The following ABHD2 variants were observed in gnomAD, a reference collection of about 807,000 sequenced individuals.
The protein encoded by ABHD2 is monoacylglycerol lipase ABHD2.
ABHD2 carries 20 observed loss-of-function variants against 48.1 expected under a neutral mutation model. The observed-to-expected ratio is 0.42, with a 90% CI of 0.29 to 0.60. ABHD2 has a LOEUF of 0.60. Among genes scored for constraint, ABHD2 ranks in the 20% least tolerant of loss-of-function variants. The probability of loss-of-function intolerance (pLI) is 0.24; values close to 1 mark genes in which losing one functional copy is unlikely to be tolerated. For synonymous variants in ABHD2, 209 were observed against 214.2 expected, an observed-to-expected ratio of 0.98 and a Z score of 0.21; for missense variants, 405 against 550.9, an observed-to-expected ratio of 0.74 and a Z score of 2.65.
the ABHD2 span, among the ~76,000 whole-genome samples, chr15:89,081,166 ATTTTTT>A: frequency 8.7e-6 from 1 of 115,302 alleles, no homozygotes; most frequent in Middle Eastern, 3.9e-3. Context: ...TGCCCAGCTA[ATTTTTT>A]TTTTTTTTTT....
At chr15:89,059,171 C>T in the ABHD2 span, among the ~76,000 whole-genome samples, 1 of 152,286 alleles carries the variant, frequency 6.6e-6, no homozygotes, top group South Asian at 2.1e-4. Context: ...TTGGGGCTCT[C>T]TTCTCTGCTG....
At chr15:89,045,821 A>T in the ABHD2 span, among the ~76,000 whole-genome samples, 11 of 152,224 alleles carry the variant, frequency 7.2e-5, no homozygotes, top group African/African-American at 2.7e-4. Context: ...TTTTCTAGAT[A>T]TACAATCATG....
rs908270301 is a variant in ABHD2 at position 89,196,718 on chromosome 15, A to G, written c.*1295A>G. 1 of 152,326 alleles carries G rather than the reference A, an allele frequency of 6.6e-6. No homozygotes were observed. Among genetic ancestry groups the G allele is most frequent in the Non-Finnish European group, 1.5e-5 (1 of 68,028 alleles). 9.4% of individuals were successfully genotyped at this position (152,326 alleles called of 1,614,324 possible). ...AAAAGTTGGATCTGAGTTTGGAGAAAGATATTTCCAACCTAAGTGGGTATT... is the reference window on the plus strand; with the variant it reads ...AAAAGTTGGATCTGAGTTTGGAGAAGGATATTTCCAACCTAAGTGGGTATT... On this transcript the variant is annotated 3_prime_UTR_variant, in exon 11 of 11. Transcript: ENST00000352732.
rs2050595427 is a variant in ABHD2, at chr15:89,151,774, C to T, written c.292C>T (p.Arg98Trp). 4 of 1,614,082 alleles carry T rather than the reference C, an allele frequency of 2.5e-6. No homozygotes were observed. Among genetic ancestry groups the T allele is most frequent in the African/African-American group, 1.3e-5 (1 of 74,934 alleles). The change falls in exon 4 of 11, where the codon CGG (arginine) becomes TGG (tryptophan). Residue 98 changes from arginine to tryptophan, a missense_variant. Coordinates refer to ENST00000352732, the MANE Select transcript of ABHD2 (RefSeq NM_152924.5). The surrounding 1 kb of genome is among the most constrained non-coding windows in gnomAD (Gnocchi z 4.7). The stretch of plus-strand genomic sequence containing the variant: ...GAGGTCGCCACATCCTTATGGGCAC[C>T]GGAAGTTCATCACTATGTCTGATGG... ...RVRSPHPYGH[R>W]KFITMSDGAT... is the part of the protein sequence containing the mutation.
At chr15:89,049,297 TCAGA>T in the ABHD2 span, among the ~76,000 whole-genome samples, 1 of 152,224 alleles carries the variant, frequency 6.6e-6, no homozygotes, top group Non-Finnish European at 1.5e-5. Flanking sequence ...TTCAAAGCTG[TCAGA>T]CAGGGACATT....
At chr15:89,048,908 A>ATTCTCCGTTCAGC in the ABHD2 span, among the ~76,000 whole-genome samples, 1 of 122,354 alleles carries the variant, frequency 8.2e-6, no homozygotes, top group South Asian at 2.3e-4. Flanking sequence ...CGTCAAAGTC[A>ATTCTCCGTTCAGC]TTTGTTCCGT....
At chr15:89,147,552 A>C (rs2050515028) in intron 3 of ABHD2, among the ~76,000 whole-genome samples, 1 of 150,792 alleles carries the variant, frequency 6.6e-6, no homozygotes, top group Non-Finnish European at 1.5e-5. Flanking sequence ...ACGGGGTTTC[A>C]CCGTGTTAGC....
upstream of ABHD2, among the ~76,000 whole-genome samples, chr15:89,083,268 G>C (rs376857152): frequency 7.9e-5 from 12 of 152,306 alleles, no homozygotes; most frequent in East Asian, 1.9e-3. The surrounding 1 kb of genome is among the most constrained non-coding windows in gnomAD (Gnocchi z 5.1). Context: ...ATGTAGGAAA[G>C]GGTGTATGAT....
At chr15:89,134,074 G>A (rs1453770151) in intron 3 of ABHD2, among the ~76,000 whole-genome samples, 2 of 151,992 alleles carry the variant, frequency 1.3e-5, no homozygotes, top group South Asian at 4.1e-4. Flanking sequence ...TCCTGACCTC[G>A]TGATCCTCCC....
rs1253709109 is a variant in ABHD2, at chr15:89,097,942, T to C, written c.-107+9379T>C. 6.6e-6 allele frequency among the ~76,000 whole-genome samples: 1 copy of C among 152,158 alleles called. No individual in the cohort carries two copies. The highest frequency in any genetic ancestry group is 2.4e-5 in the African/African-American group (1 of 41,448). Reference sequence around the variant, plus strand: ...GTCTCACTCTGTCACGCAGGCTGGATTGCAGTGGCAGGATCTGGGCTCACT... The same window carrying C: ...GTCTCACTCTGTCACGCAGGCTGGACTGCAGTGGCAGGATCTGGGCTCACT... On this transcript the variant is annotated intron_variant, in intron 1 of 10. Coordinates refer to ENST00000352732, the MANE Select transcript of ABHD2 (RefSeq NM_152924.5). The surrounding 1 kb of genome is among the most constrained non-coding windows in gnomAD (Gnocchi z 4.2).
chr15:89,123,989 G>A (rs1347343362), intron 3 of ABHD2, among the ~76,000 whole-genome samples: 1 of 152,144 alleles, frequency 6.6e-6, no homozygotes, highest in Non-Finnish European at 1.5e-5. Context: ...TATTGCTGTT[G>A]TACATACTTC....
At chr15:89,122,806 A>G (rs1216494035) in intron 3 of ABHD2, among the ~76,000 whole-genome samples, 1 of 152,214 alleles carries the variant, frequency 6.6e-6, no homozygotes, top group Non-Finnish European at 1.5e-5. Flanking sequence ...TTCACTCGTT[A>G]GCAAGCTTGC....
At chr15:89,045,508 A>C in the ABHD2 span, among the ~76,000 whole-genome samples, 1 of 152,058 alleles carries the variant, frequency 6.6e-6, no homozygotes, top group Non-Finnish European at 1.5e-5. Context: ...CCATTTTCAC[A>C]ATATTGATTC....
the ABHD2 span, among the ~76,000 whole-genome samples, chr15:89,051,627 T>G: frequency 6.6e-6 from 1 of 151,998 alleles, no homozygotes; most frequent in East Asian, 1.9e-4. Context: ...TGGGGGCGGG[T>G]CTTTCCCGTG....
At chr15:89,135,067 TC>T (rs1778903867) in intron 3 of ABHD2, among the ~76,000 whole-genome samples, 1 of 152,012 alleles carries the variant, frequency 6.6e-6, no homozygotes, top group African/African-American at 2.4e-5. Flanking sequence ...GTGTGTTCTT[TC>T]TTTATTTATT....
intron 4 of ABHD2, among the ~76,000 whole-genome samples, chr15:89,152,856 G>A (rs1370177015): frequency 6.6e-6 from 1 of 152,194 alleles, no homozygotes; most frequent in Non-Finnish European, 1.5e-5. Flanking sequence ...AGGAAGTGGA[G>A]TTACTACAAG....
At chr15:89,156,860 A>G (rs1464873788) in intron 5 of ABHD2, among the ~76,000 whole-genome samples, 1 of 152,230 alleles carries the variant, frequency 6.6e-6, no homozygotes, top group Admixed American at 6.5e-5. Flanking sequence ...ATATGCACAA[A>G]TATTTGGGAT....
intron 5 of ABHD2, among the ~76,000 whole-genome samples, chr15:89,156,914 T>C (rs78684521): frequency 0.061 from 9,233 of 152,286 alleles, 982 homozygotes; most frequent in African/African-American, 0.21. Flanking sequence ...GGGAAATAAC[T>C]AAAAATTATA....
the ABHD2 span, among the ~76,000 whole-genome samples, chr15:89,053,805 G>C: frequency 6.6e-6 from 1 of 152,212 alleles, no homozygotes; most frequent in African/African-American, 2.4e-5. Context: ...CCTTTGCAGG[G>C]TAAAGTGGTG....
Sources: allele counts gnomAD v4.1 joint callset (sites outside exome capture counted in the v4.1 genomes callset), GRCh38; gene constraint gnomAD v4.1.1; non-coding constraint Gnocchi (gnomAD v3.1); transcripts MANE v1.5; gene names NCBI Gene and HGNC (gene_info 2026-07-23, HGNC 2026-07-21).